The following LRP1B variants were observed in gnomAD, a reference collection of about 807,000 sequenced individuals.
LRP1B encodes low-density lipoprotein receptor-related protein 1B.
Under a neutral mutation model 556.6 loss-of-function variants are expected in LRP1B, and 217 were observed. The observed-to-expected ratio is 0.39, with a 90% CI of 0.35 to 0.44. LRP1B has a LOEUF of 0.44. Ranked by LOEUF, LRP1B falls within the 20% of genes least tolerant of loss-of-function variation. The pLI is 1.00. For synonymous variants in LRP1B, 2,047 were observed against 1,865.8 expected (o/e 1.10, Z -2.50); for missense variants, 5,053 against 5,620.8 (o/e 0.90, Z 3.23).
At position 141,916,298 on chromosome 2, in the gene LRP1B, T is replaced by C. The variant is rs537646256; in HGVS notation, c.83-105897A>G. Among the ~76,000 whole-genome samples, 6 of 152,240 alleles carry C rather than the reference T, an allele frequency of 3.9e-5. No individual in the cohort carries two copies. In the South Asian group the frequency reaches 1.2e-3, roughly 32 times the overall value. On this transcript the variant is annotated intron_variant, in intron 1 of 90. Transcript: ENST00000389484. ...CCATGGATGCACCAGAAGGCCATTA[T>C]CCTAAGAGAATTAACACAGGAATAG...
intron 32 of LRP1B, among the ~76,000 whole-genome samples, chr2:140,783,106 G>A (rs1161521373): frequency 6.6e-6 from 1 of 151,994 alleles, no homozygotes. Flanking sequence ...ATTAAAGGCT[G>A]TTGCAATACA....
chr2:141,726,307 A>G (rs977215616), intron 2 of LRP1B, among the ~76,000 whole-genome samples: 22 of 151,614 alleles, frequency 1.5e-4, no homozygotes, highest in African/African-American at 4.3e-4. Context: ...ATCTCTGGGT[A>G]AGAGGTAATT....
In LRP1B at chr2:142,066,860, C is replaced by G. The variant is rs557208281; in HGVS notation, c.82+63788G>C. ...TATTTCTGCTGTTAACAAAGTACCA[C>G]AAATCAGTGGTTTAAAACAACACAA... On this transcript the variant is annotated intron_variant, in intron 1 of 90. Coordinates refer to ENST00000389484, the MANE Select transcript of LRP1B (RefSeq NM_018557.3). Among the ~76,000 whole-genome samples, 14 of 151,606 alleles carry G rather than the reference C, an allele frequency of 9.2e-5. No individual in the cohort carries two copies. In the South Asian group the frequency reaches 2.9e-3, roughly 31 times the overall value.
intron 41 of LRP1B, among the ~76,000 whole-genome samples, chr2:140,659,543 A>G (rs76171997): frequency 0.061 from 9,233 of 152,080 alleles, 320 homozygotes; most frequent in Admixed American, 0.078. Context: ...GTAAAAATAT[A>G]TTCTGGCTTC....
intron 3 of LRP1B, among the ~76,000 whole-genome samples, chr2:141,389,711 A>G (rs1236957830): frequency 1.3e-5 from 2 of 152,204 alleles, no homozygotes; most frequent in East Asian, 1.9e-4. Flanking sequence ...ACAGAAGGAG[A>G]GAAAATATTT....
chr2:141,194,713 T>C (rs949504650), intron 6 of LRP1B, among the ~76,000 whole-genome samples: 5 of 152,070 alleles, frequency 3.3e-5, no homozygotes, highest in African/African-American at 1.2e-4. Context: ...TTAAACATGT[T>C]TTTGAAAAGG....
chr2:141,521,580 C>T (rs2105174804), intron 2 of LRP1B, among the ~76,000 whole-genome samples: 1 of 151,506 alleles, frequency 6.6e-6, no homozygotes, highest in Non-Finnish European at 1.5e-5. Flanking sequence ...TTTAGATTTG[C>T]TTTCAGATTG....
At chr2:141,739,871 T>G (rs796992295) in intron 2 of LRP1B, among the ~76,000 whole-genome samples, 10 of 152,248 alleles carry the variant, frequency 6.6e-5, no homozygotes, top group African/African-American at 2.4e-4. Flanking sequence ...CAAAGCATAG[T>G]TCAAGACTTA....
At chr2:140,472,011 A>G (rs1687791034) in intron 60 of LRP1B, among the ~76,000 whole-genome samples, 1 of 152,122 alleles carries the variant, frequency 6.6e-6, no homozygotes, top group Non-Finnish European at 1.5e-5. Flanking sequence ...CTGCTCAAAG[A>G]TTTTCCCACT....
chr2:141,741,851 G>T (rs62168662), intron 2 of LRP1B, among the ~76,000 whole-genome samples: 17,611 of 152,028 alleles, frequency 0.12, 1,529 homozygotes, highest in African/African-American at 0.24. Flanking sequence ...GGGATATTGC[G>T]CAAGAAATCT....
In LRP1B at chr2:140,982,170, C is replaced by T. The variant is rs763048474; in HGVS notation, c.2877G>A (p.Met959Ile). The change falls in exon 18 of 91, where the codon ATG becomes ATA. Residue 959 changes from methionine (M) to isoleucine (I), a missense_variant. By Grantham distance (10) the Met-to-Ile change is conservative (BLOSUM62 1). Coordinates refer to ENST00000389484, the MANE Select transcript of LRP1B (RefSeq NM_018557.3). ...EDDCGDQTDEMASCEFPTCEP... is the reference protein window; with the variant it reads ...EDDCGDQTDEIASCEFPTCEP... ...TCACTCACAACTTACCACAAGATGC[C>T]ATTTCATCTGTCTGGTCACCACAGT... The T allele has an allele frequency of 1.6e-5, 26 of 1,612,344 alleles. 1 individual carries two copies. The highest frequency in any genetic ancestry group is 2.0e-5 in the Non-Finnish European group (24 of 1,178,840).
chr2:140,781,617 T>C (rs1257972807), intron 32 of LRP1B, among the ~76,000 whole-genome samples: 10 of 152,154 alleles, frequency 6.6e-5, no homozygotes, highest in Admixed American at 1.3e-4. Flanking sequence ...CAGACATAGA[T>C]AAATAACCAA....
At chr2:140,775,476 T>TTA (rs2104948769) in intron 33 of LRP1B, among the ~76,000 whole-genome samples, 1 of 149,022 alleles carries the variant, frequency 6.7e-6, no homozygotes, top group Admixed American at 6.7e-5. Flanking sequence ...GATTTTTTTT[T>TTA]TTTTTTTTTT....
chr2:141,556,426 T>A (rs1685964191), intron 2 of LRP1B, among the ~76,000 whole-genome samples: 1 of 151,922 alleles, frequency 6.6e-6, no homozygotes, highest in South Asian at 2.1e-4. Flanking sequence ...TCCTGATTGT[T>A]GGGATTTGAA....
At chr2:141,760,061 T>C (rs1413563937) in intron 2 of LRP1B, among the ~76,000 whole-genome samples, 2 of 152,134 alleles carry the variant, frequency 1.3e-5, no homozygotes, top group African/African-American at 2.4e-5. Flanking sequence ...CAATGTCAAG[T>C]TGGCAACATC....
intron 86 of LRP1B, among the ~76,000 whole-genome samples, chr2:140,257,639 A>G (rs867020087): frequency 2.3e-4 from 35 of 152,290 alleles, no homozygotes; most frequent in Admixed American, 7.2e-4. Flanking sequence ...CTAGAATCAT[A>G]AAGGATAGAC....
At chr2:141,417,803 G>C (rs1394861135) in intron 3 of LRP1B, among the ~76,000 whole-genome samples, 1 of 147,576 alleles carries the variant, frequency 6.8e-6, no homozygotes, top group Non-Finnish European at 1.5e-5. Flanking sequence ...GTTTTAGATA[G>C]GAGCTGAGAG....
rs771867284 is a variant in LRP1B at position 141,188,473 on chromosome 2, T to A, written c.961A>T (p.Ile321Phe). Residue 321 changes from isoleucine to phenylalanine, a missense_variant, in exon 7 of 91, where the codon ATT (isoleucine) becomes TTT (phenylalanine). Physicochemically the swap from Ile to Phe is conservative, Grantham distance 21 (BLOSUM62 0). Around this residue, in one of 5 missense-constraint regions of LRP1B, gnomAD observed 3,619 missense variants for 3,931.9 expected, o/e 0.92. Transcript: ENST00000389484. ...TTAGGATTGTGAAGCTCCAGATCAA[T>A]CAGGGTGACACATACAGAACCGTTG... ...NSNGSVCVTL[I>F]DLELHNPKAI... The A allele has an allele frequency of 1.2e-6, 2 of 1,612,708 alleles. No homozygotes were observed. The highest frequency in any genetic ancestry group is 1.7e-6 in the Non-Finnish European group (2 of 1,179,192).
At chr2:140,768,346 C>T (rs1488842083) in intron 35 of LRP1B, among the ~76,000 whole-genome samples, 2 of 151,626 alleles carry the variant, frequency 1.3e-5, no homozygotes, top group Admixed American at 6.6e-5. Flanking sequence ...AATCAAATAG[C>T]TATTTGTTTT....
Sources: allele counts gnomAD v4.1 joint callset (sites outside exome capture counted in the v4.1 genomes callset), GRCh38; gene constraint gnomAD v4.1.1; regional missense constraint gnomAD v4.1.1; transcripts MANE v1.5; gene names NCBI Gene and HGNC (gene_info 2026-07-23, HGNC 2026-07-21).